Variants in SLC35F4 observed in about 807,000 individuals in gnomAD.
The protein encoded by SLC35F4 is chromosome 14 open reading frame 36.
SLC35F4 carries 24 observed loss-of-function variants against 44.2 expected under a neutral mutation model. That is an observed-to-expected ratio of 0.54 (90% confidence interval 0.39 to 0.76). The LOEUF is 0.76. Ranked by LOEUF, SLC35F4 falls within the 30% of genes least tolerant of loss-of-function variation. The pLI is 0.00. For missense variants in SLC35F4, 562 were observed against 586.1 expected, an observed-to-expected ratio of 0.96 and a Z score of 0.42; for synonymous variants, 238 against 223.6, an observed-to-expected ratio of 1.06 and a Z score of -0.57.
chr14:57,761,663 TA>T (rs1169993278), intron 1 of SLC35F4, among the ~76,000 whole-genome samples: 1 of 152,096 alleles, frequency 6.6e-6, no homozygotes, highest in Non-Finnish European at 1.5e-5. Context: ...AAGCAGATTT[TA>T]AAAAAATAGA....
At chr14:57,842,496 C>G (rs1407717148) in intron 1 of SLC35F4, among the ~76,000 whole-genome samples, 1 of 152,094 alleles carries the variant, frequency 6.6e-6, no homozygotes, top group Non-Finnish European at 1.5e-5. Flanking sequence ...GTTTGGCCAC[C>G]CACCAGACAT....
chr14:57,982,748 A>T (rs1043057762), upstream of SLC35F4, among the ~76,000 whole-genome samples: 2 of 152,004 alleles, frequency 1.3e-5, no homozygotes, highest in Admixed American at 6.6e-5. Context: ...AAGTTCTGGG[A>T]TACATGTGCA....
At chr14:57,750,126 GAAAACAT>G (rs1376244645) in intron 1 of SLC35F4, among the ~76,000 whole-genome samples, 172 of 152,266 alleles carry the variant, frequency 1.1e-3, no homozygotes, top group African/African-American at 3.9e-3. Flanking sequence ...ACTTAAGAGT[GAAAACAT>G]GCGGTATTTG....
chr14:57,712,722 A>T (rs1016939748), intron 1 of SLC35F4, among the ~76,000 whole-genome samples: 2 of 152,220 alleles, frequency 1.3e-5, no homozygotes, highest in Non-Finnish European at 1.5e-5. Flanking sequence ...TTTACATAAC[A>T]TTTGTTAGTT....
At chr14:57,781,568 C>G (rs950240988) in intron 1 of SLC35F4, among the ~76,000 whole-genome samples, 2 of 152,118 alleles carry the variant, frequency 1.3e-5, no homozygotes, top group African/African-American at 4.8e-5. Flanking sequence ...CTGGGTTATA[C>G]CCAAAGGAAT....
At chr14:57,883,069 C>T (rs766414415) in intron 1 of SLC35F4, among the ~76,000 whole-genome samples, 3 of 149,182 alleles carry the variant, frequency 2.0e-5, no homozygotes, top group South Asian at 2.1e-4. Flanking sequence ...AGGAGGAGGA[C>T]GAGGAGGAGG....
intron 1 of SLC35F4, among the ~76,000 whole-genome samples, chr14:57,935,940 G>A (rs1183421105): frequency 6.6e-6 from 1 of 152,210 alleles, no homozygotes; most frequent in Non-Finnish European, 1.5e-5. Flanking sequence ...TAAATCAGCA[G>A]TATTTGTACT....
chr14:57,614,057 G>C (rs1056766643), intron 1 of SLC35F4, among the ~76,000 whole-genome samples: 3 of 152,098 alleles, frequency 2.0e-5, no homozygotes, highest in Non-Finnish European at 4.4e-5. Context: ...TTATAAACTG[G>C]AGTTTTTCCA....
At chr14:57,786,414 C>T (rs892585181) in intron 1 of SLC35F4, among the ~76,000 whole-genome samples, 1 of 152,162 alleles carries the variant, frequency 6.6e-6, no homozygotes, top group Non-Finnish European at 1.5e-5. Flanking sequence ...CACACTACTA[C>T]AGCTGATGCT....
At chr14:57,776,548 C>G (rs957826075) in intron 1 of SLC35F4, among the ~76,000 whole-genome samples, 3 of 151,576 alleles carry the variant, frequency 2.0e-5, no homozygotes, top group Non-Finnish European at 4.4e-5. Context: ...CGCCTGCAAT[C>G]CCAGCTAATT....
At chr14:57,728,766 T>G (rs2076276146) in intron 1 of SLC35F4, among the ~76,000 whole-genome samples, 1 of 152,070 alleles carries the variant, frequency 6.6e-6, no homozygotes, top group Admixed American at 6.6e-5. Context: ...CCTGGCCCCT[T>G]CCATTGATTT....
intron 1 of SLC35F4, among the ~76,000 whole-genome samples, chr14:57,907,187 A>G (rs1305446490): frequency 6.6e-6 from 1 of 152,182 alleles, no homozygotes; most frequent in Non-Finnish European, 1.5e-5. Context: ...CCTGGACTCA[A>G]GTGATGATCA....
chr14:57,897,684 C>A (rs530763270), intron 1 of SLC35F4, among the ~76,000 whole-genome samples: 1 of 152,216 alleles, frequency 6.6e-6, no homozygotes, highest in African/African-American at 2.4e-5. Flanking sequence ...CTCTGTGCAT[C>A]CCTTTTGCTA....
chr14:57,943,636 G>A (rs11851085), intron 1 of SLC35F4, among the ~76,000 whole-genome samples: 3 of 151,498 alleles, frequency 2.0e-5, no homozygotes, highest in Admixed American at 6.6e-5. Context: ...ACTTCCCACC[G>A]CCTCCACACA....
chr14:57,923,129 G>T (rs542146453), intron 1 of SLC35F4, among the ~76,000 whole-genome samples: 140 of 152,208 alleles, frequency 9.2e-4, no homozygotes, highest in South Asian at 3.3e-3. Flanking sequence ...ATAAGAAAAG[G>T]CTCTAGAATT....
chr14:57,691,267 G>A (rs1223840668), intron 1 of SLC35F4, among the ~76,000 whole-genome samples: 2 of 152,188 alleles, frequency 1.3e-5, no homozygotes, highest in Non-Finnish European at 2.9e-5. Context: ...ACGGCAGAAA[G>A]ATGAAATGCT....
chr14:57,660,315 A>T (rs2074097726), intron 1 of SLC35F4, among the ~76,000 whole-genome samples: 3 of 152,144 alleles, frequency 2.0e-5, no homozygotes, highest in Admixed American at 2.0e-4. Context: ...TATCTGGAAT[A>T]GATTCAACAG....
Position 57,674,185 on chromosome 14 carries a change from A to C in SLC35F4, c.104-80061T>G, listed in dbSNP as rs142516760. Among the ~76,000 whole-genome samples the C allele has an allele frequency of 4.5e-4, 69 of 152,228 alleles. 2 individuals carry two copies. The East Asian group carries it at 0.013, about 29-fold the overall frequency. ...AGATACCACTACAATACCCACCAGA[A>C]TGGCTAAAATAAAAAATATGGGCAA... On this transcript the variant is annotated intron_variant, in intron 1 of 7. Transcript: ENST00000556826.
At chr14:57,636,177 T>C (rs953147400) in intron 1 of SLC35F4, among the ~76,000 whole-genome samples, 3 of 152,224 alleles carry the variant, frequency 2.0e-5, no homozygotes, top group Admixed American at 2.0e-4. Context: ...TTTAATTCTC[T>C]GCAGAAACCC....
Sources: gnomAD v4.1 joint callset for allele counts (sites outside exome capture counted in the v4.1 genomes callset) on GRCh38, gnomAD v4.1.1 for gene constraint, MANE v1.5 for transcripts, NCBI Gene and HGNC (gene_info 2026-07-23, HGNC 2026-07-21) for gene names.